The following TMEM117 variants were observed in gnomAD, a reference collection of about 807,000 sequenced individuals.
The protein encoded by TMEM117 is transmembrane protein 117.
TMEM117 carries 27 observed loss-of-function variants against 52.4 expected under a neutral mutation model. The observed-to-expected ratio is 0.51, with a 90% CI of 0.38 to 0.71. The LOEUF is 0.71. Ranked by LOEUF, TMEM117 falls within the 30% of genes least tolerant of loss-of-function variation. The pLI is 0.00. For missense variants in TMEM117, 556 were observed against 630.5 expected, an observed-to-expected ratio of 0.88 and a Z score of 1.26; for synonymous variants, 215 against 206.3, an observed-to-expected ratio of 1.04 and a Z score of -0.36.
At chr12:43,974,825 G>C (rs1421283522) in intron 3 of TMEM117, among the ~76,000 whole-genome samples, 1 of 152,002 alleles carries the variant, frequency 6.6e-6, no homozygotes, top group Non-Finnish European at 1.5e-5. Flanking sequence ...TGACATATCT[G>C]TTAATAATAT....
rs532505899 is a variant in TMEM117, at chr12:44,143,220, G to A, written c.411-305G>A. 1.2e-4 allele frequency among the ~76,000 whole-genome samples: 19 copies of A among 152,330 alleles called. 1 individual carries two copies. The East Asian group carries it at 1.9e-3, about 15-fold the overall frequency. On this transcript the variant is annotated intron_variant, in intron 3 of 7. Transcript: ENST00000266534. The stretch of plus-strand genomic sequence containing the variant: ...GCTCTGCTCATACTTGAGTGAGCAT[G>A]CAATAATACCTTTGCTGAGTATTTC...
intron 2 of TMEM117, among the ~76,000 whole-genome samples, chr12:43,896,737 A>T (rs751166297): frequency 6.6e-6 from 1 of 152,064 alleles, no homozygotes; most frequent in African/African-American, 2.4e-5. Flanking sequence ...CTCCTCCCTC[A>T]CTACAGTTGA....
chr12:44,260,726 TG>T (rs1260978454), intron 5 of TMEM117, among the ~76,000 whole-genome samples: 1 of 152,200 alleles, frequency 6.6e-6, no homozygotes, highest in African/African-American at 2.4e-5. Flanking sequence ...AGATTAGTTT[TG>T]TTTTGTCTTG....
At chr12:43,834,281 G>T (rs1324813209), upstream of TMEM117, among the ~76,000 whole-genome samples, 1 of 152,106 alleles carries the variant, frequency 6.6e-6, no homozygotes, top group African/African-American at 2.4e-5. Flanking sequence ...AAATTCTTTA[G>T]AGAATAATAT....
At chr12:44,212,504 G>T (rs1163586479) in intron 5 of TMEM117, among the ~76,000 whole-genome samples, 1 of 151,848 alleles carries the variant, frequency 6.6e-6, no homozygotes, top group Non-Finnish European at 1.5e-5. Context: ...AATAAGGAAA[G>T]AAAAAAGATC....
At chr12:43,903,413 G>T (rs186328968) in intron 2 of TMEM117, among the ~76,000 whole-genome samples, 23 of 152,264 alleles carry the variant, frequency 1.5e-4, no homozygotes, top group Admixed American at 5.2e-4. Flanking sequence ...AGGGACATTA[G>T]AATGAGTCAT....
intron 2 of TMEM117, among the ~76,000 whole-genome samples, chr12:43,912,164 G>T (rs1054831118): frequency 1.3e-5 from 2 of 150,110 alleles, no homozygotes; most frequent in African/African-American, 4.9e-5. Context: ...ATACTATGCA[G>T]CCATAAAAAA....
intron 4 of TMEM117, among the ~76,000 whole-genome samples, chr12:44,172,885 C>T (rs550907061): frequency 1.4e-4 from 22 of 152,098 alleles, no homozygotes; most frequent in South Asian, 4.2e-4. Flanking sequence ...CCACCACGCC[C>T]GGCTAATTTT....
At chr12:44,277,449 G>A (rs1344463840) in intron 5 of TMEM117, among the ~76,000 whole-genome samples, 1 of 152,010 alleles carries the variant, frequency 6.6e-6, no homozygotes, top group African/African-American at 2.4e-5. Context: ...TCACAGTTCT[G>A]TAGGTCAAAA....
At chr12:43,911,654 AAAAC>A (rs1292067681) in intron 2 of TMEM117, among the ~76,000 whole-genome samples, 14 of 147,426 alleles carry the variant, frequency 9.5e-5, no homozygotes, top group African/African-American at 2.9e-4. Context: ...TTACAAGAAA[AAAAC>A]AAACAACCCC....
chr12:43,944,181 A>G, intron 2 of TMEM117, 29 bp from the exon 3 acceptor site: 2 of 1,589,382 alleles, frequency 1.3e-6, no homozygotes, highest in South Asian at 1.1e-5. Flanking sequence ...TACAGTGTAC[A>G]TTAATTTTTA....
At chr12:43,813,221 G>C in the TMEM117 span, among the ~76,000 whole-genome samples, 3 of 108,368 alleles carry the variant, frequency 2.8e-5, no homozygotes, top group Admixed American at 1.9e-4. Context: ...TTCTGAACTG[G>C]TTTTCTCTTG....
chr12:44,016,695 C>T (rs78494253), intron 3 of TMEM117, among the ~76,000 whole-genome samples: 147 of 152,188 alleles, frequency 9.7e-4, no homozygotes, highest in African/African-American at 3.1e-3. Flanking sequence ...TCATCTTTTA[C>T]GAGCTAATGG....
intron 2 of TMEM117, among the ~76,000 whole-genome samples, chr12:43,925,876 G>A (rs12297544): frequency 0.062 from 9,413 of 152,146 alleles, 765 homozygotes; most frequent in African/African-American, 0.18. Flanking sequence ...ACATTTAGTC[G>A]GAAAGTAGAC....
At chr12:43,939,496 C>G (rs1362726996) in intron 2 of TMEM117, among the ~76,000 whole-genome samples, 1 of 152,142 alleles carries the variant, frequency 6.6e-6, no homozygotes, top group Non-Finnish European at 1.5e-5. Flanking sequence ...TTTCACATCA[C>G]CTTTTCTATC....
intron 2 of TMEM117, among the ~76,000 whole-genome samples, chr12:43,849,579 G>A (rs1209164614): frequency 6.6e-6 from 1 of 151,830 alleles, no homozygotes; most frequent in Non-Finnish European, 1.5e-5. Flanking sequence ...GATTTCAAGT[G>A]ATTTATTGAG....
At position 43,844,939 on chromosome 12, in the gene TMEM117, T is replaced by A. The variant is rs1238026253; in HGVS notation, c.277+11T>A. 6.3e-7 allele frequency: 1 copy of A among 1,597,730 alleles called. No homozygotes were observed. Among genetic ancestry groups the A allele is most frequent in the East Asian group, 2.2e-5 (1 of 44,788 alleles). On this transcript the variant is annotated intron_variant, in intron 2 of 7. Transcript: ENST00000266534. ...ATCAGCGTTTGTTTGGTAAGTACCA[T>A]GACCCATGAAATGTAATATCACTAA...
At chr12:44,258,195 T>A (rs912557737) in intron 5 of TMEM117, among the ~76,000 whole-genome samples, 9 of 152,162 alleles carry the variant, frequency 5.9e-5, no homozygotes, top group Admixed American at 2.0e-4. Flanking sequence ...TAATTTTTGA[T>A]GCTAGATAGT....
chr12:43,901,912 A>G, intron 2 of TMEM117, among the ~76,000 whole-genome samples: 1 of 152,232 alleles, frequency 6.6e-6, no homozygotes, highest in South Asian at 2.1e-4. Context: ...ACAATATACA[A>G]AATTTACATT....
Sources: gnomAD v4.1 joint callset for allele counts (sites outside exome capture counted in the v4.1 genomes callset) on GRCh38, gnomAD v4.1.1 for gene constraint, MANE v1.5 for transcripts, NCBI Gene and HGNC (gene_info 2026-07-23, HGNC 2026-07-21) for gene names.